The following P3H2 variants were observed in gnomAD, a reference collection of about 807,000 sequenced individuals.
P3H2 encodes leprecan-like 1.
P3H2 carries 80 observed loss-of-function variants against 87.0 expected under a neutral mutation model. The observed-to-expected ratio is 0.92, with a 90% CI of 0.77 to 1.11. The LOEUF is 1.11. P3H2 is among the 50% of genes least tolerant of loss of function. The pLI, the probability that P3H2 is intolerant of heterozygous loss-of-function variation, is 0.00. For missense variants in P3H2, 1,001 were observed against 923.9 expected, an observed-to-expected ratio of 1.08 and a Z score of -1.08; for synonymous variants, 367 against 359.3, an observed-to-expected ratio of 1.02 and a Z score of -0.24.
At chr3:189,994,388 G>T in intron 2 of P3H2, 105 bp from the exon 3 acceptor site, 1 of 870,108 alleles carries the variant, frequency 1.1e-6, no homozygotes, top group Non-Finnish European at 1.8e-6. Context: ...GATCATCTAG[G>T]TAGATGGGGT....
intron 4 of P3H2, among the ~76,000 whole-genome samples, chr3:189,988,188 C>A (rs1438905348): frequency 6.6e-6 from 1 of 152,138 alleles, no homozygotes; most frequent in Admixed American, 6.6e-5. Flanking sequence ...CCCTTAAATC[C>A]TTCACTATAC....
At chr3:189,996,276 C>T (rs796751758) in intron 1 of P3H2, among the ~76,000 whole-genome samples, 13 of 152,178 alleles carry the variant, frequency 8.5e-5, no homozygotes, top group Admixed American at 3.3e-4. Flanking sequence ...TATTATTCAG[C>T]CATAAAAAAT....
At chr3:190,040,155 C>T (rs141821025) in intron 1 of P3H2, among the ~76,000 whole-genome samples, 1 of 152,312 alleles carries the variant, frequency 6.6e-6, no homozygotes, top group East Asian at 1.9e-4. Flanking sequence ...ACCCGTCTTA[C>T]ACTTTTATCA....
At chr3:190,056,478 T>C (rs999620171) in intron 1 of P3H2, among the ~76,000 whole-genome samples, 3 of 152,210 alleles carry the variant, frequency 2.0e-5, no homozygotes, top group African/African-American at 7.2e-5. Context: ...TTAAATTAGA[T>C]TGTTCTCAAA....
Position 189,989,027 on chromosome 3 carries a change from G to T in P3H2, c.835C>A (p.Gln279Lys). ...CATTCATGCTGACAAACAAGCACCT[G>T]CATGTAGTGATCTGGAAGACAAGAG... ...LYEAIADHYM[Q>K]VLVCQHECVR... Residue 279 changes from glutamine to lysine, a missense_variant, in exon 4 of 15, where the codon CAG becomes AAG. Physicochemically the swap from Gln to Lys is moderately conservative, Grantham distance 53. Coordinates refer to ENST00000319332, the MANE Select transcript of P3H2 (RefSeq NM_018192.4). The T allele has an allele frequency of 6.2e-7, 1 of 1,614,098 alleles. No individual in the cohort carries two copies. Among genetic ancestry groups the T allele is most frequent in the Non-Finnish European group, 8.5e-7 (1 of 1,180,016 alleles).
chr3:189,970,788 A>G (rs762240606), intron 13 of P3H2, 28 bp downstream of exon 13: 22 of 1,324,374 alleles, frequency 1.7e-5, no homozygotes, highest in East Asian at 1.2e-4. Flanking sequence ...AACATACTAA[A>G]TAAGTATTCA....
At position 190,084,003 on chromosome 3, in the gene P3H2, A is replaced by G. The variant is rs922330037; in HGVS notation, c.480+36249T>C. Among the ~76,000 whole-genome samples, 16 of 152,334 alleles carry G rather than the reference A, an allele frequency of 1.1e-4. 1 individual carries two copies. The highest frequency in any genetic ancestry group is 6.8e-3 in the Middle Eastern group (2 of 294). ...TCCATTCTCATTATGTTTTTTAAAAAAGTCATCAAATCAAAAGATATTTCT... is the reference window on the plus strand; with the variant it reads ...TCCATTCTCATTATGTTTTTTAAAAGAGTCATCAAATCAAAAGATATTTCT... On this transcript the variant is annotated intron_variant, in intron 1 of 14. Transcript: ENST00000319332.
At chr3:190,108,779 T>C (rs1376736126) in intron 1 of P3H2, among the ~76,000 whole-genome samples, 3 of 152,230 alleles carry the variant, frequency 2.0e-5, no homozygotes, top group East Asian at 1.9e-4. Flanking sequence ...AAATTGCTGA[T>C]AGAGAAAACA....
intron 1 of P3H2, among the ~76,000 whole-genome samples, chr3:190,077,247 A>T (rs377286898): frequency 6.6e-6 from 1 of 152,130 alleles, no homozygotes; most frequent in East Asian, 1.9e-4. Context: ...GCAACACTGA[A>T]CATTTTCTCT....
chr3:189,990,599 G>C lies in P3H2; in HGVS notation c.824-1561C>G, dbSNP rs1206138573. ...AGCTAGTAATAAATAACTGCATTCA[G>C]CAGCCATTTGTATTTTTCCCGAACT... On this transcript the variant is annotated intron_variant, in intron 3 of 14. Transcript: ENST00000319332. 2.0e-5 allele frequency among the ~76,000 whole-genome samples: 3 copies of C among 152,212 alleles called. No individual in the cohort carries two copies. The East Asian group carries it at 5.8e-4, about 29-fold the overall frequency.
intron 1 of P3H2, among the ~76,000 whole-genome samples, chr3:190,012,721 G>T (rs569065308): frequency 6.6e-6 from 1 of 152,146 alleles, no homozygotes; most frequent in South Asian, 2.1e-4. Context: ...ATCCACTTCT[G>T]GACTTCCCCT....
At chr3:190,012,099 G>A (rs573026114) in intron 1 of P3H2, among the ~76,000 whole-genome samples, 1 of 152,106 alleles carries the variant, frequency 6.6e-6, no homozygotes, top group African/African-American at 2.4e-5. Flanking sequence ...AGCATGAAAG[G>A]GCTTCATCTT....
At chr3:190,042,936 A>G (rs1366132007) in intron 1 of P3H2, among the ~76,000 whole-genome samples, 3 of 152,208 alleles carry the variant, frequency 2.0e-5, no homozygotes, top group Admixed American at 2.0e-4. Context: ...CTGAAAATGA[A>G]GGCAGATTTT....
In P3H2 at chr3:190,019,529, A is replaced by G. The variant is rs1724869917; in HGVS notation, c.481-24087T>C. 1.3e-5 allele frequency among the ~76,000 whole-genome samples: 2 copies of G among 151,764 alleles called. 1 individual carries two copies. Among genetic ancestry groups the G allele is most frequent in the South Asian group, 4.2e-4 (2 of 4,758 alleles). On this transcript the variant is annotated intron_variant, in intron 1 of 14. Transcript: ENST00000319332. ...TCTGGATGCTGATGACTGTCCCTTTATCCCTATATCCATAGATGTCTGGAT... is the reference window on the plus strand; with the variant it reads ...TCTGGATGCTGATGACTGTCCCTTTGTCCCTATATCCATAGATGTCTGGAT...
intron 5 of P3H2, 117 bp downstream of exon 5, chr3:189,987,410 C>T (rs890179917): frequency 8.5e-6 from 10 of 1,176,268 alleles, no homozygotes; most frequent in South Asian, 2.8e-5. Flanking sequence ...ACCCGGGAGG[C>T]GGAGGTTGCG....
Position 189,970,880 on chromosome 3 carries a change from T to A in P3H2, c.1829A>T (p.Tyr610Phe), listed in dbSNP as rs376254011. The A allele has an allele frequency of 1.9e-6, 3 of 1,559,618 alleles. No homozygotes were observed. The highest frequency in any genetic ancestry group is 3.3e-5 in the Admixed American group (2 of 59,938). ...TCCTCCTTCAAAGTCATCATTCATA[T>A]ATAGGAGAGCACTATAAGAATGAAG... is the stretch of plus-strand genomic sequence containing the variant. ...YTFRDYSALL[Y>F]MNDDFEGGEF... Residue 610 changes from tyrosine to phenylalanine, a missense_variant, in exon 13 of 15, where the codon TAT becomes TTT. Transcript: ENST00000319332.
At chr3:190,061,848 G>T (rs936021177) in intron 1 of P3H2, among the ~76,000 whole-genome samples, 1 of 152,120 alleles carries the variant, frequency 6.6e-6, no homozygotes, top group Non-Finnish European at 1.5e-5. Flanking sequence ...ATTACTAAAT[G>T]ACTTTGAGAA....
chr3:189,987,902 A>G, intron 4 of P3H2: 2 of 544,004 alleles, frequency 3.7e-6, no homozygotes, highest in South Asian at 4.2e-5. Flanking sequence ...TTTTGTGCAA[A>G]TCGTCAAGTT....
chr3:190,027,541 G>A (rs192727201), intron 1 of P3H2, among the ~76,000 whole-genome samples: 1 of 151,866 alleles, frequency 6.6e-6, no homozygotes, highest in East Asian at 1.9e-4. Context: ...CTATAAAAGG[G>A]CTTGTACATA....
Sources: gnomAD v4.1 joint callset for allele counts (sites outside exome capture counted in the v4.1 genomes callset) on GRCh38, gnomAD v4.1.1 for gene constraint, MANE v1.5 for transcripts, NCBI Gene and HGNC (gene_info 2026-07-23, HGNC 2026-07-21) for gene names.